The following GLMN variants were observed in gnomAD, a reference collection of about 807,000 sequenced individuals.
GLMN encodes glomulin.
GLMN carries 75 observed loss-of-function variants against 87.8 expected under a neutral mutation model. The observed-to-expected ratio is 0.85, with a 90% CI of 0.71 to 1.04. GLMN has a LOEUF of 1.04. Among genes scored for constraint, GLMN ranks in the 50% least tolerant of loss-of-function variants. GLMN has a pLI of 0.00. For missense variants in GLMN, 588 were observed against 658.8 expected, an observed-to-expected ratio of 0.89 and a Z score of 1.18; for synonymous variants, 206 against 221.6, an observed-to-expected ratio of 0.93 and a Z score of 0.63.
chr1:92,305,450 A>AAAAAAAAAAAAAAAAAAAAAAAAAC, the GLMN span, among the ~76,000 whole-genome samples: 2 of 141,852 alleles, frequency 1.4e-5, no homozygotes, highest in African/African-American at 5.9e-5. Context: ...AAAAAAAAAA[A>AAAAAAAAAAAAAAAAAAAAAAAAAC]AGACAATATG....
At chr1:92,274,643 T>G (rs927900092) in intron 7 of GLMN, among the ~76,000 whole-genome samples, 4 of 152,320 alleles carry the variant, frequency 2.6e-5, no homozygotes, top group Non-Finnish European at 4.4e-5. Flanking sequence ...AACAAGTCAT[T>G]GCATCCACTC....
Position 92,264,570 on chromosome 1 carries a change from A to G in GLMN, c.1283T>C (p.Ile428Thr), listed in dbSNP as rs771330117. The change falls in exon 14 of 19, where the codon ATT becomes ACT. Residue 428 changes from isoleucine (I) to threonine (T), a missense_variant. By Grantham distance (89) the Ile-to-Thr change is moderately conservative. Transcript: ENST00000370360. ...AFIIQNIKNQIDMSLKRTRNN... is the reference protein window; with the variant it reads ...AFIIQNIKNQTDMSLKRTRNN... Reference sequence around the variant, plus strand: ...TGTTCTTACCTTTAATGACATGTCAATTTGATTTTTGATATTTTGAATAAT... The same window carrying G: ...TGTTCTTACCTTTAATGACATGTCAGTTTGATTTTTGATATTTTGAATAAT... 1.3e-5 allele frequency: 20 copies of G among 1,547,122 alleles called. No homozygotes were observed. Among genetic ancestry groups the G allele is most frequent in the Admixed American group, 5.0e-5 (3 of 59,918 alleles).
chr1:92,348,140 C>G, the GLMN span, among the ~76,000 whole-genome samples: 1 of 152,140 alleles, frequency 6.6e-6, no homozygotes, highest in African/African-American at 2.4e-5. Flanking sequence ...CCACCCGCCT[C>G]GGCCTCCCAA....
chr1:92,255,083 G>GAA (rs543661361), intron 16 of GLMN, among the ~76,000 whole-genome samples: 1,680 of 135,900 alleles, frequency 0.012, 36 homozygotes, highest in African/African-American at 0.04. Context: ...CAAACGGAAA[G>GAA]AAAAAAAAAA....
the GLMN span, chr1:92,333,385 A>G: frequency 3.7e-6 from 6 of 1,608,304 alleles, no homozygotes; most frequent in Non-Finnish European, 5.1e-6. Flanking sequence ...TAAAAATGTG[A>G]TTCAGCATGA....
rs771630349 is a variant in GLMN at position 92,267,979 on chromosome 1, C to T, written c.1032G>A (p.Leu344=). Residue 344 remains leucine, a synonymous_variant, in exon 11 of 19, where the codon TTG becomes TTA. Transcript: ENST00000370360. ...KGLELLENSL[L]RIEDNSLLYQ... The stretch of plus-strand genomic sequence containing the variant: ...AAAGTAGACTATTGTCTTCTATTCT[C>T]AATAAACTATTCTCCAGCAGCTCCT... The T allele has an allele frequency of 1.9e-6, 3 of 1,569,558 alleles. No individual in the cohort carries two copies. The highest frequency in any genetic ancestry group is 2.2e-5 in the East Asian group (1 of 44,540).
At chr1:92,305,995 T>C in the GLMN span, among the ~76,000 whole-genome samples, 7 of 152,212 alleles carry the variant, frequency 4.6e-5, no homozygotes, top group African/African-American at 1.4e-4. Context: ...AAAATGTTTA[T>C]AGCTGGATAA....
intron 5 of GLMN, among the ~76,000 whole-genome samples, chr1:92,289,733 A>C (rs1214641594): frequency 1.3e-5 from 2 of 152,250 alleles, no homozygotes; most frequent in Non-Finnish European, 1.5e-5. Flanking sequence ...TTATCATCCC[A>C]TATCTCCTCG....
chr1:92,301,562 ATAT>A (rs774215064), upstream of GLMN: 140 of 1,547,152 alleles, frequency 9.0e-5, no homozygotes, highest in African/African-American at 1.9e-3. Context: ...TTAGAGGAGA[ATAT>A]TACAGAAGAG....
At position 92,268,003 on chromosome 1, in the gene GLMN, C is replaced by A; in HGVS notation, c.1009-1G>T. On this transcript the variant is annotated splice_acceptor_variant, in intron 10 of 18. Coordinates refer to ENST00000370360, the MANE Select transcript of GLMN (RefSeq NM_053274.3). LOFTEE classifies it high-confidence loss of function. ...TCAATAAACTATTCTCCAGCAGCTC[C>A]TACAGATTAAAATATATGCAGATAC... 6.5e-7 allele frequency: 1 copy of A among 1,537,308 alleles called. No individual in the cohort carries two copies. Among genetic ancestry groups the A allele is most frequent in the Non-Finnish European group, 9.0e-7 (1 of 1,110,026 alleles).
chr1:92,343,303 C>T, the GLMN span, among the ~76,000 whole-genome samples: 1 of 152,266 alleles, frequency 6.6e-6, no homozygotes, highest in Non-Finnish European at 1.5e-5. Flanking sequence ...GTCTCTTGTA[C>T]AGTTAATCCT....
intron 7 of GLMN, among the ~76,000 whole-genome samples, chr1:92,275,450 T>C (rs1335556983): frequency 6.6e-6 from 1 of 152,220 alleles, no homozygotes; most frequent in Non-Finnish European, 1.5e-5. Flanking sequence ...TCATAAACAC[T>C]TGTATTTTTC....
the GLMN span, among the ~76,000 whole-genome samples, chr1:92,356,273 A>C: frequency 1.2e-3 from 189 of 152,074 alleles, 3 homozygotes; most frequent in African/African-American, 4.5e-3. Flanking sequence ...CACCATGCCC[A>C]GCCTATTATT....
the GLMN span, among the ~76,000 whole-genome samples, chr1:92,349,002 T>C: frequency 6.6e-6 from 1 of 152,178 alleles, no homozygotes; most frequent in African/African-American, 2.4e-5. Context: ...CATGCACACG[T>C]TATTTGTGGA....
At chr1:92,324,771 ACTTGGTAG>A in the GLMN span, among the ~76,000 whole-genome samples, 1 of 152,156 alleles carries the variant, frequency 6.6e-6, no homozygotes, top group Non-Finnish European at 1.5e-5. Context: ...CATGGAATAG[ACTTGGTAG>A]TTACATTGGA....
At chr1:92,357,092 C>CAG in the GLMN span, among the ~76,000 whole-genome samples, 2 of 94,778 alleles carry the variant, frequency 2.1e-5, no homozygotes, top group African/African-American at 1.3e-4. Context: ...AAAAGGATTA[C>CAG]ATACACACAC....
At chr1:92,254,647 A>T (rs138357071) in intron 16 of GLMN, among the ~76,000 whole-genome samples, 751 of 152,342 alleles carry the variant, frequency 4.9e-3, no homozygotes, top group African/African-American at 0.017. Context: ...AGAATTTCAT[A>T]TCCAGCCAGA....
the GLMN span, among the ~76,000 whole-genome samples, chr1:92,332,141 C>T: frequency 3.3e-5 from 5 of 151,342 alleles, no homozygotes; most frequent in African/African-American, 9.7e-5. Context: ...TTGTAGGTCT[C>T]TTAATCTCCT....
the GLMN span, among the ~76,000 whole-genome samples, chr1:92,324,776 G>A: frequency 6.6e-6 from 1 of 152,074 alleles, no homozygotes; most frequent in African/African-American, 2.4e-5. Context: ...AATAGACTTG[G>A]TAGTTACATT....
Sources: gnomAD v4.1 joint callset for allele counts (sites outside exome capture counted in the v4.1 genomes callset) on GRCh38, gnomAD v4.1.1 for gene constraint, MANE v1.5 for transcripts, NCBI Gene and HGNC (gene_info 2026-07-23, HGNC 2026-07-21) for gene names.